NDUFA5: variants seen among roughly 807,000 people sequenced by gnomAD.
NDUFA5 encodes the protein NADH dehydrogenase [ubiquinone] 1 alpha subcomplex subunit 5.
In NDUFA5, 11 loss-of-function variants were observed where a neutral mutation model predicts 19.8. The ratio of observed to expected loss-of-function variants is 0.56; its 90% CI spans 0.35 to 0.92. NDUFA5 has a LOEUF of 0.92. NDUFA5 is among the 40% of genes least tolerant of loss of function. The pLI is 0.01. For synonymous variants in NDUFA5, 47 were observed against 46.8 expected (o/e 1.00, Z -0.01); for missense variants, 109 against 134.2 (o/e 0.81, Z 0.93).
Position 123,540,890 on chromosome 7 carries a change from G to GCGCGCGCGCGCGCGCACA in NDUFA5, c.*1228_*1229insTGTGCGCGCGCGCGCGCG, listed in dbSNP as rs766305834. 3.7e-5 allele frequency: 5 copies of GCGCGCGCGCGCGCGCACA among 133,830 alleles called. No individual in the cohort carries two copies. Among genetic ancestry groups the GCGCGCGCGCGCGCGCACA allele is most frequent in the African/African-American group, 1.5e-4 (5 of 33,802 alleles). The allele number at this position is 133,830 out of a possible 1,614,324, so 8.3% of individuals were successfully genotyped here. ...TCTGAGCAAATGTGCGCATGCGCGTGCACACACACACACACACACACACAC... is the reference window on the plus strand; with the variant it reads ...TCTGAGCAAATGTGCGCATGCGCGTGCGCGCGCGCGCGCGCACACACACACACACACACACACACACAC... On this transcript the variant is annotated 3_prime_UTR_variant, in exon 5 of 5. Coordinates refer to ENST00000355749, the MANE Select transcript of NDUFA5 (RefSeq NM_005000.5).
chr7:123,545,919 CAA>C (rs1798116381), intron 3 of NDUFA5: 5 of 369,206 alleles, frequency 1.4e-5, no homozygotes, highest in Admixed American at 9.3e-5. Context: ...AATACAATGT[CAA>C]ATTCAGTCTT....
intron 2 of NDUFA5, among the ~76,000 whole-genome samples, chr7:123,554,066 G>T (rs1010032124): frequency 6.6e-6 from 1 of 152,160 alleles, no homozygotes; most frequent in South Asian, 2.1e-4. Context: ...GAACTGTGCT[G>T]TCTAAAACAG....
At chr7:123,557,258 G>T in intron 2 of NDUFA5, 146 bp downstream of exon 2, 1 of 1,112,264 alleles carries the variant, frequency 9.0e-7, no homozygotes, top group Non-Finnish European at 1.3e-6. Flanking sequence ...CGAAGTAGGT[G>T]GACAGCGCCC....
chr7:123,550,657 A>C, intron 2 of NDUFA5, 71 bp from the exon 3 acceptor site: 1 of 933,460 alleles, frequency 1.1e-6, no homozygotes, highest in Non-Finnish European at 1.7e-6. Context: ...CACTTGTCTC[A>C]AAGACAAAAC....
the NDUFA5 span, among the ~76,000 whole-genome samples, chr7:123,600,152 T>C: frequency 1.3e-5 from 2 of 152,138 alleles, no homozygotes; most frequent in Admixed American, 6.6e-5. Context: ...ATCACTCCCA[T>C]ACTACAGATA....
chr7:123,593,278 G>T, the NDUFA5 span, among the ~76,000 whole-genome samples: 1 of 152,022 alleles, frequency 6.6e-6, no homozygotes, highest in African/African-American at 2.4e-5. Flanking sequence ...TACATTTAAG[G>T]TTAATATTGT....
chr7:123,542,064 A>C lies in NDUFA5; in HGVS notation c.*55T>G. ...AGTAATAAGAACACGCTCTTAATAT[A>C]ACAGAATATTTAATTACATCAGTTT... is the stretch of plus-strand genomic sequence containing the variant. On this transcript the variant is annotated 3_prime_UTR_variant, in exon 5 of 5. Coordinates refer to ENST00000355749, the MANE Select transcript of NDUFA5 (RefSeq NM_005000.5). The C allele has an allele frequency of 3.1e-6, 4 of 1,286,190 alleles. No homozygotes were observed. In the South Asian group the frequency reaches 5.3e-5, roughly 17 times the overall value. The allele number at this position is 1,286,190 out of a possible 1,614,324, so 79.7% of individuals were successfully genotyped here. A position where few individuals can be genotyped will look rare whatever the true frequency, so the allele number is the denominator to read the frequency against.
intron 2 of NDUFA5, chr7:123,555,403 G>C (rs1798499845): frequency 6.6e-6 from 1 of 152,144 alleles, no homozygotes; most frequent in African/African-American, 2.4e-5. Flanking sequence ...ACAGAAGTCA[G>C]ACTGGAGAGC....
At chr7:123,550,762 C>T (rs566138038) in intron 2 of NDUFA5, among the ~76,000 whole-genome samples, 176 bp from the exon 3 acceptor site, 62 of 151,618 alleles carry the variant, frequency 4.1e-4, no homozygotes, top group African/African-American at 1.4e-3. Context: ...CTATCTACAC[C>T]CTTTATAACT....
the NDUFA5 span, among the ~76,000 whole-genome samples, chr7:123,565,318 T>C: frequency 6.6e-6 from 1 of 151,992 alleles, no homozygotes; most frequent in African/African-American, 2.4e-5. Flanking sequence ...CAAATGCTAA[T>C]CTTTTCTCTA....
chr7:123,546,666 T>G, intron 3 of NDUFA5: 4 of 1,285,020 alleles, frequency 3.1e-6, no homozygotes, highest in Middle Eastern at 2.1e-4. Context: ...ACATTTTGCT[T>G]TTCAACACAA....
chr7:123,576,913 T>C, the NDUFA5 span, among the ~76,000 whole-genome samples: 1 of 152,200 alleles, frequency 6.6e-6, no homozygotes, highest in Non-Finnish European at 1.5e-5. Flanking sequence ...TACTTTATTC[T>C]TCTTGTCATT....
the NDUFA5 span, among the ~76,000 whole-genome samples, chr7:123,584,306 G>C: frequency 3.6e-5 from 1 of 27,784 alleles, no homozygotes; most frequent in Admixed American, 3.9e-4. Context: ...GAAAGGCCTT[G>C]TCAAAAAAAA....
chr7:123,567,908 GC>G, the NDUFA5 span, among the ~76,000 whole-genome samples: 1 of 151,504 alleles, frequency 6.6e-6, no homozygotes, highest in African/African-American at 2.4e-5. Flanking sequence ...CATCTCTTGT[GC>G]CTCCATCCAT....
intron 2 of NDUFA5, among the ~76,000 whole-genome samples, chr7:123,553,263 T>C (rs1367130602): frequency 2.0e-5 from 3 of 152,222 alleles, no homozygotes; most frequent in African/African-American, 7.2e-5. Flanking sequence ...CAGTTCCACA[T>C]GGCTGGAGAG....
the NDUFA5 span, among the ~76,000 whole-genome samples, chr7:123,594,286 C>T: frequency 1.3e-5 from 2 of 152,076 alleles, no homozygotes; most frequent in Non-Finnish European, 2.9e-5. Context: ...TCTGTCAACT[C>T]GTCAAACTCA....
chr7:123,600,087 G>A, the NDUFA5 span, among the ~76,000 whole-genome samples: 4 of 152,098 alleles, frequency 2.6e-5, no homozygotes, highest in African/African-American at 7.2e-5. Context: ...AACTACTTGA[G>A]GAATAGGCCT....
At chr7:123,560,570 C>A (rs1392491381), upstream of NDUFA5, among the ~76,000 whole-genome samples, 2 of 152,162 alleles carry the variant, frequency 1.3e-5, no homozygotes, top group African/African-American at 4.8e-5. Context: ...AAATGTATTT[C>A]TCACAGTTCT....
the NDUFA5 span, among the ~76,000 whole-genome samples, chr7:123,587,580 A>G: frequency 6.6e-6 from 1 of 151,476 alleles, no homozygotes; most frequent in African/African-American, 2.4e-5. Context: ...CCAGTACTAT[A>G]TTGAATAGAA....
Sources: allele counts gnomAD v4.1 joint callset (sites outside exome capture counted in the v4.1 genomes callset), GRCh38; gene constraint gnomAD v4.1.1; transcripts MANE v1.5; gene names NCBI Gene and HGNC (gene_info 2026-07-23, HGNC 2026-07-21).